The following THSD4 variants were observed in gnomAD, a reference collection of about 807,000 sequenced individuals.
The protein encoded by THSD4 is thrombospondin type-1 domain-containing protein 4.
A neutral mutation model predicts 119.0 loss-of-function variants in THSD4; 69 were observed. The ratio of observed to expected loss-of-function variants is 0.58; its 90% CI spans 0.48 to 0.71. The LOEUF is 0.71. THSD4 is among the 30% of genes least tolerant of loss of function. THSD4 has a pLI of 0.00. For synonymous variants in THSD4, 524 were observed against 540.4 expected (o/e 0.97, Z 0.42); for missense variants, 1,393 against 1,391.1 (o/e 1.00, Z -0.02).
intron 6 of THSD4, among the ~76,000 whole-genome samples, chr15:71,279,757 G>A (rs1433517202): frequency 2.1e-5 from 3 of 143,790 alleles, no homozygotes; most frequent in Non-Finnish European, 4.6e-5. Context: ...AGTTCACACA[G>A]AATGGAAAGG....
chr15:71,227,175 C>T (rs2044024086), intron 4 of THSD4, among the ~76,000 whole-genome samples: 1 of 152,184 alleles, frequency 6.6e-6, no homozygotes, highest in Non-Finnish European at 1.5e-5. Context: ...TCAGACAAGG[C>T]TCCGAAGAGC....
rs967276877 is a variant in THSD4, at chr15:71,128,003, A to G, written c.-80+12305A>G. 3.9e-5 allele frequency among the ~76,000 whole-genome samples: 6 copies of G among 152,248 alleles called. No homozygotes were observed. In the East Asian group the frequency reaches 7.7e-4, roughly 20 times the overall value. ...GCCAGCGTCTTGTAGTATTTCTCCTATGTTTTCTTCTAGTAATTTTACAGT... is the reference window on the plus strand; with the variant it reads ...GCCAGCGTCTTGTAGTATTTCTCCTGTGTTTTCTTCTAGTAATTTTACAGT... On this transcript the variant is annotated intron_variant, in intron 1 of 17. Transcript: ENST00000261862.
chr15:71,376,316 G>A (rs1357278538), intron 6 of THSD4, among the ~76,000 whole-genome samples: 3 of 152,106 alleles, frequency 2.0e-5, no homozygotes, highest in Non-Finnish European at 4.4e-5. Flanking sequence ...TGAATTTTTA[G>A]GACCCAGCCT....
chr15:71,582,686 A>C (rs899178162), intron 7 of THSD4, among the ~76,000 whole-genome samples: 4 of 152,074 alleles, frequency 2.6e-5, no homozygotes, highest in African/African-American at 9.7e-5. Context: ...TTTTATCATG[A>C]AGGATGTTGA....
At chr15:71,429,839 G>A (rs1440519595) in intron 7 of THSD4, among the ~76,000 whole-genome samples, 1 of 152,158 alleles carries the variant, frequency 6.6e-6, no homozygotes, top group Non-Finnish European at 1.5e-5. Flanking sequence ...CTAAACAGTA[G>A]TTTCTCATTT....
At chr15:71,353,473 TTAAAG>T (rs2045769985) in intron 6 of THSD4, among the ~76,000 whole-genome samples, 1 of 152,210 alleles carries the variant, frequency 6.6e-6, no homozygotes, top group African/African-American at 2.4e-5. Context: ...GTGGTTTCCT[TTAAAG>T]TACTTCAAAG....
At chr15:71,531,880 G>A (rs2048614489) in intron 7 of THSD4, among the ~76,000 whole-genome samples, 1 of 152,170 alleles carries the variant, frequency 6.6e-6, no homozygotes, top group Non-Finnish European at 1.5e-5. Flanking sequence ...GAAGACCAGG[G>A]CTGCATTAGA....
chr15:71,224,362 G>C (rs2043997724), intron 4 of THSD4, among the ~76,000 whole-genome samples: 1 of 152,146 alleles, frequency 6.6e-6, no homozygotes, highest in South Asian at 2.1e-4. Flanking sequence ...AACATGGATG[G>C]CCAACATTTT....
chr15:71,391,556 G>C (rs939737713), intron 6 of THSD4, among the ~76,000 whole-genome samples: 2 of 152,174 alleles, frequency 1.3e-5, no homozygotes, highest in African/African-American at 2.4e-5. Flanking sequence ...AGGGAACTGA[G>C]TCTAGGGAAA....
chr15:71,387,206 T>TA (rs58060322), intron 6 of THSD4, among the ~76,000 whole-genome samples: 7,564 of 146,818 alleles, frequency 0.052, 509 homozygotes, highest in African/African-American at 0.16. Flanking sequence ...TCATTAACGT[T>TA]AAAAAAAAAA....
intron 6 of THSD4, among the ~76,000 whole-genome samples, chr15:71,351,615 A>T (rs2045744642): frequency 6.6e-6 from 1 of 152,212 alleles, no homozygotes. Context: ...CTCTTTGCTC[A>T]CATCATCTGT....
intron 11 of THSD4, 151 bp from the exon 12 acceptor site, chr15:71,744,955 A>C: frequency 1.0e-6 from 1 of 953,884 alleles, no homozygotes; most frequent in East Asian, 2.7e-5. Flanking sequence ...CCTCAAATGA[A>C]GGGGGAGCGT....
chr15:71,612,117 T>C (rs1386961028), intron 7 of THSD4, among the ~76,000 whole-genome samples: 1 of 152,140 alleles, frequency 6.6e-6, no homozygotes, highest in African/African-American at 2.4e-5. Context: ...TGGACAACTC[T>C]CAAAGACTTG....
chr15:71,781,303 A>C lies in THSD4; in HGVS notation c.*3929A>C, dbSNP rs1225733587. ...CATAAAGTACTATATTTGGGCTAAAATGAAAAACTAAATACAAGGTGGGAG... is the reference window on the plus strand; with the variant it reads ...CATAAAGTACTATATTTGGGCTAAACTGAAAAACTAAATACAAGGTGGGAG... On this transcript the variant is annotated 3_prime_UTR_variant, in exon 18 of 18. Coordinates refer to ENST00000261862, the MANE Select transcript of THSD4 (RefSeq NM_024817.3). The C allele has an allele frequency of 6.5e-6, 1 of 154,168 alleles. No homozygotes were observed. The highest frequency in any genetic ancestry group is 2.4e-5 in the African/African-American group (1 of 41,458). 9.6% of individuals were successfully genotyped at this position (154,168 alleles called of 1,614,324 possible). A position where few individuals can be genotyped will look rare whatever the true frequency, so the allele number is the denominator to read the frequency against.
At chr15:71,415,809 T>G (rs2046752448) in intron 7 of THSD4, among the ~76,000 whole-genome samples, 1 of 152,172 alleles carries the variant, frequency 6.6e-6, no homozygotes, top group Admixed American at 6.5e-5. Flanking sequence ...GTTTGTTTGT[T>G]TTTTTAAGAC....
rs562401202 is a variant in THSD4 at position 71,774,010 on chromosome 15, A to G, written c.2914+2802A>G. On this transcript the variant is annotated intron_variant, in intron 17 of 17. Coordinates refer to ENST00000261862, the MANE Select transcript of THSD4 (RefSeq NM_024817.3). ...GGTCCAGTTTTGTAAAGGATAAAGG[A>G]AATGAACAAACTCACCACAGGGCCG... Among the ~76,000 whole-genome samples the G allele has an allele frequency of 7.2e-5, 11 of 152,264 alleles. No individual in the cohort carries two copies. The South Asian group carries it at 2.3e-3, about 32-fold the overall frequency.
chr15:71,744,145 A>C (rs1376186964), intron 11 of THSD4, among the ~76,000 whole-genome samples: 1 of 137,034 alleles, frequency 7.3e-6, no homozygotes, highest in East Asian at 2.1e-4. Flanking sequence ...GAATTGAATC[A>C]GCTTTTTTTT....
intron 6 of THSD4, among the ~76,000 whole-genome samples, chr15:71,320,701 G>A (rs2045254822): frequency 6.6e-6 from 1 of 152,174 alleles, no homozygotes; most frequent in Non-Finnish European, 1.5e-5. Flanking sequence ...GACTCGCACT[G>A]CTTGTCCCTT....
chr15:71,214,184 A>AAAATGGACCAATCAGCAGGATGTG (rs2043910800), intron 3 of THSD4, among the ~76,000 whole-genome samples: 1 of 151,640 alleles, frequency 6.6e-6, no homozygotes, highest in African/African-American at 2.4e-5. Flanking sequence ...AGCACTCTGT[A>AAAATGGACCAATCAGCAGGATGTG]AAATGGACCA....
Sources: allele counts gnomAD v4.1 joint callset (sites outside exome capture counted in the v4.1 genomes callset), GRCh38; gene constraint gnomAD v4.1.1; transcripts MANE v1.5; gene names NCBI Gene and HGNC (gene_info 2026-07-23, HGNC 2026-07-21).